EPRS1: variants seen among roughly 807,000 people sequenced by gnomAD.
EPRS1 encodes the protein bifunctional glutamate/proline--tRNA ligase.
A neutral mutation model predicts 188.3 loss-of-function variants in EPRS1; 107 were observed. The observed-to-expected ratio is 0.57, with a 90% confidence interval of 0.49 to 0.67. The LOEUF is 0.67. Ranked by LOEUF, EPRS1 falls within the 30% of genes least tolerant of loss-of-function variation. The probability of loss-of-function intolerance (pLI) is 0.00; values close to 1 mark genes in which losing one functional copy is unlikely to be tolerated. For synonymous variants in EPRS1, 596 were observed against 593.1 expected (o/e 1.00, Z -0.07); for missense variants, 1,577 against 1,802.2 (o/e 0.88, Z 2.26).
chr1:220,009,866 A>G (rs910590629), intron 13 of EPRS1, among the ~76,000 whole-genome samples: 5 of 151,932 alleles, frequency 3.3e-5, no homozygotes, highest in African/African-American at 1.2e-4. Context: ...GGATGAGGCA[A>G]GCAGATCATT....
chr1:219,979,702 A>G, intron 26 of EPRS1, 87 bp from the exon 27 acceptor site: 1 of 854,396 alleles, frequency 1.2e-6, no homozygotes, highest in Non-Finnish European at 1.8e-6. Flanking sequence ...ATGCTTTAAA[A>G]TGGCACTACA....
intron 9 of EPRS1, among the ~76,000 whole-genome samples, chr1:220,021,647 G>GA (rs1177470222): frequency 4.6e-5 from 7 of 152,282 alleles, no homozygotes; most frequent in African/African-American, 1.7e-4. Flanking sequence ...GTAATCCTGA[G>GA]AAAAATGATA....
chr1:219,985,643 G>A (rs1025178961), intron 20 of EPRS1, among the ~76,000 whole-genome samples: 4 of 152,032 alleles, frequency 2.6e-5, no homozygotes, highest in Admixed American at 6.6e-5. Flanking sequence ...GACCTCAAGC[G>A]ATCCACCCAT....
intron 28 of EPRS1, among the ~76,000 whole-genome samples, chr1:219,976,942 G>A (rs938158499): frequency 6.6e-6 from 1 of 152,124 alleles, no homozygotes; most frequent in African/African-American, 2.4e-5. Flanking sequence ...AATTCACTCA[G>A]ATTATTTTCC....
At chr1:219,974,151 C>T (rs1660731421) in intron 28 of EPRS1, among the ~76,000 whole-genome samples, 1 of 152,134 alleles carries the variant, frequency 6.6e-6, no homozygotes. Flanking sequence ...ACCACATTGA[C>T]CAGGCTGGTG....
At chr1:220,010,811 A>G (rs1661589277) in intron 13 of EPRS1, 135 bp downstream of exon 13, 1 of 202,774 alleles carries the variant, frequency 4.9e-6, no homozygotes, top group African/African-American at 5.4e-5. Context: ...TACGTCTCAA[A>G]AAAAAAAAAA....
chr1:220,044,668 T>A (rs1441971069), intron 1 of EPRS1, among the ~76,000 whole-genome samples: 2 of 111,134 alleles, frequency 1.8e-5, no homozygotes, highest in African/African-American at 3.7e-5. Context: ...GAGGTTGCAA[T>A]GAGCTCGGTC....
At chr1:219,970,818 C>T (rs12032866) in intron 30 of EPRS1, among the ~76,000 whole-genome samples, 67,969 of 148,198 alleles carry the variant, frequency 0.46, 15,605 homozygotes, top group South Asian at 0.52. Flanking sequence ...AAGTGAAAAA[C>T]TACAGAAACC....
At chr1:219,994,375 C>G (rs1010185914) in intron 18 of EPRS1, among the ~76,000 whole-genome samples, 1 of 152,158 alleles carries the variant, frequency 6.6e-6, no homozygotes, top group African/African-American at 2.4e-5. Flanking sequence ...CCACCCAAAA[C>G]CCTGAACTAG....
At chr1:220,030,345 C>T (rs750524611) in intron 6 of EPRS1, 41 bp downstream of exon 6, 3 of 1,326,034 alleles carry the variant, frequency 2.3e-6, no homozygotes, top group Non-Finnish European at 3.3e-6. Flanking sequence ...AGCTTTCCCA[C>T]TAAATATATT....
At chr1:219,973,531 G>T in intron 28 of EPRS1, 133 bp from the exon 29 acceptor site, 8 of 358,054 alleles carry the variant, frequency 2.2e-5, no homozygotes, top group Non-Finnish European at 2.4e-5. Context: ...AAAAACAAGA[G>T]AAAAAAAAAA....
intron 16 of EPRS1, among the ~76,000 whole-genome samples, chr1:220,003,076 A>AC (rs755963906): frequency 6.6e-6 from 1 of 152,216 alleles, no homozygotes; most frequent in East Asian, 1.9e-4. Flanking sequence ...AAGTGGCTGA[A>AC]CCATTCTACA....
intron 1 of EPRS1, among the ~76,000 whole-genome samples, chr1:220,043,872 A>C (rs74404142): frequency 0.023 from 3,441 of 152,320 alleles, 69 homozygotes; most frequent in East Asian, 0.067. Flanking sequence ...CAAACAAAGC[A>C]TAATACGGGA....
chr1:220,015,593 A>G (rs1375477417), intron 12 of EPRS1, among the ~76,000 whole-genome samples: 1 of 152,174 alleles, frequency 6.6e-6, no homozygotes, highest in African/African-American at 2.4e-5. Flanking sequence ...ATGAGTTTCT[A>G]GACTGGAAGT....
chr1:220,025,335 A>G (rs1264988542), intron 6 of EPRS1, 77 bp from the exon 7 acceptor site: 1 of 1,141,130 alleles, frequency 8.8e-7, no homozygotes, highest in Non-Finnish European at 1.2e-6. Context: ...TTTTGAGGAG[A>G]TGAGAACTAA....
chr1:220,041,711 A>T (rs200207336), intron 1 of EPRS1, among the ~76,000 whole-genome samples: 1 of 152,118 alleles, frequency 6.6e-6, no homozygotes, highest in Non-Finnish European at 1.5e-5. Context: ...GTGGTGGCAC[A>T]TGCCTGTAAT....
intron 6 of EPRS1, among the ~76,000 whole-genome samples, chr1:220,026,162 T>A (rs1043695628): frequency 2.0e-5 from 3 of 152,186 alleles, no homozygotes; most frequent in African/African-American, 7.2e-5. Context: ...GAAGTTTTGT[T>A]ATATAGGTAA....
At chr1:220,013,612 G>C (rs549372824) in intron 12 of EPRS1, among the ~76,000 whole-genome samples, 1 of 152,084 alleles carries the variant, frequency 6.6e-6, no homozygotes, top group South Asian at 2.1e-4. Context: ...ACTCCACGGC[G>C]CTAAATTTAG....
chr1:219,997,493 CTAAG>C (rs936356440), intron 17 of EPRS1, 151 bp from the exon 18 acceptor site: 1 of 664,252 alleles, frequency 1.5e-6, no homozygotes, highest in Admixed American at 3.5e-5. Flanking sequence ...GAATAATCTC[CTAAG>C]TATTTATCCT....
Sources: allele counts gnomAD v4.1 joint callset (sites outside exome capture counted in the v4.1 genomes callset), GRCh38; gene constraint gnomAD v4.1.1; transcripts MANE v1.5; gene names NCBI Gene and HGNC (gene_info 2026-07-23, HGNC 2026-07-21).